Variants in HAUS6 observed in about 807,000 individuals in gnomAD.
The protein encoded by HAUS6 is HAUS augmin like complex subunit 6.
In HAUS6, 80 loss-of-function variants were observed where a neutral mutation model predicts 106.8. The ratio of observed to expected loss-of-function variants is 0.75; its 90% CI spans 0.63 to 0.90. The LOEUF (loss-of-function observed/expected upper bound fraction) is 0.90. Ranked by LOEUF, HAUS6 falls within the 40% of genes least tolerant of loss-of-function variation. The pLI is 0.00. For missense variants in HAUS6, 1,155 were observed against 1,118.1 expected, an observed-to-expected ratio of 1.03 and a Z score of -0.47; for synonymous variants, 356 against 379.1, an observed-to-expected ratio of 0.94 and a Z score of 0.71.
chr9:19,059,518 T>A (rs930727913), intron 15 of HAUS6, among the ~76,000 whole-genome samples: 3 of 152,248 alleles, frequency 2.0e-5, no homozygotes, highest in Non-Finnish European at 4.4e-5. Context: ...TGACCTAGGC[T>A]GTGGCTCAGT....
chr9:19,056,498 A>AGGT (rs1055652236), intron 16 of HAUS6, 94 bp from the exon 17 acceptor site: 8 of 731,082 alleles, frequency 1.1e-5, no homozygotes, highest in Non-Finnish European at 2.0e-5. Flanking sequence ...AATACAAAAA[A>AGGT]GGTTCATAGC....
rs1304842685 is a variant in HAUS6 at position 19,054,232 on chromosome 9, A to G, written c.*2111T>C. 1.3e-5 allele frequency: 2 copies of G among 152,208 alleles called. No homozygotes were observed. Among genetic ancestry groups the G allele is most frequent in the Non-Finnish European group, 2.9e-5 (2 of 68,032 alleles). 9.4% of individuals were successfully genotyped at this position (152,208 alleles called of 1,614,324 possible). A position where few individuals can be genotyped will look rare whatever the true frequency, so the allele number is the denominator to read the frequency against. On this transcript the variant is annotated 3_prime_UTR_variant, in exon 17 of 17. Coordinates refer to ENST00000380502, the MANE Select transcript of HAUS6 (RefSeq NM_017645.5). ...TAAAAAAATGGGAGATTACAGCGGAAGGGGGAGTAGAGGAAATCCGTTACA... is the reference window on the plus strand; with the variant it reads ...TAAAAAAATGGGAGATTACAGCGGAGGGGGGAGTAGAGGAAATCCGTTACA...
intron 12 of HAUS6, among the ~76,000 whole-genome samples, chr9:19,066,283 G>T (rs1487104417): frequency 6.6e-6 from 1 of 152,082 alleles, no homozygotes; most frequent in Non-Finnish European, 1.5e-5. Flanking sequence ...ATAAGAACTT[G>T]GCGGGGCGGG....
At position 19,089,513 on chromosome 9, in the gene HAUS6, G is replaced by C; in HGVS notation, c.483C>G (p.Asp161Glu). The change falls in exon 5 of 17, where the codon GAC (aspartate) becomes GAG (glutamate). Residue 161 changes from aspartate to glutamate, a missense_variant. Physicochemically the swap from Asp to Glu is conservative, Grantham distance 45. Coordinates refer to ENST00000380502, the MANE Select transcript of HAUS6 (RefSeq NM_017645.5). Reference protein sequence around the residue: ...FVETFNIKPQDLHKCIARCHF... With the variant: ...FVETFNIKPQELHKCIARCHF... ...GGCATCTGGCAATGCATTTGTGCAA[G>C]TCCTGTGGTTTTATGTTAAATGTCT... 1.2e-6 allele frequency: 2 copies of C among 1,610,304 alleles called. No individual in the cohort carries two copies. Among genetic ancestry groups the C allele is most frequent in the Non-Finnish European group, 8.5e-7 (1 of 1,176,586 alleles).
At chr9:19,056,474 A>G (rs1836473281) in intron 16 of HAUS6, 70 bp from the exon 17 acceptor site, 1 of 825,710 alleles carries the variant, frequency 1.2e-6, no homozygotes, top group Non-Finnish European at 2.1e-6. Flanking sequence ...TCCAAGCAAT[A>G]GCAAATTTTA....
chr9:19,081,566 A>G (rs369739705), intron 8 of HAUS6, among the ~76,000 whole-genome samples: 37 of 151,968 alleles, frequency 2.4e-4, no homozygotes, highest in African/African-American at 8.7e-4. Flanking sequence ...CAGCCTCCCA[A>G]GTAGCTGGGA....
intron 5 of HAUS6, among the ~76,000 whole-genome samples, chr9:19,088,015 A>C (rs539614508): frequency 6.6e-6 from 1 of 152,344 alleles, no homozygotes; most frequent in Non-Finnish European, 1.5e-5. Flanking sequence ...GCATAGATGA[A>C]CCTAAACATA....
chr9:19,066,554 G>A (rs953250136), intron 12 of HAUS6, among the ~76,000 whole-genome samples: 1 of 151,856 alleles, frequency 6.6e-6, no homozygotes, highest in Non-Finnish European at 1.5e-5. Flanking sequence ...CATCATTACC[G>A]TTAGAAATAT....
rs568027770 is a variant in HAUS6 at position 19,075,529 on chromosome 9, G to C, written c.1294+1073C>G. Among the ~76,000 whole-genome samples, 54 of 151,150 alleles carry C rather than the reference G, an allele frequency of 3.6e-4. 4 individuals carry two copies. The South Asian group carries it at 0.011, about 31-fold the overall frequency. The stretch of plus-strand genomic sequence containing the variant: ...GAGGCCAAGGAAGGAGAATTGCTTG[G>C]AATCAGTTTGAGAAAACATTGTGCA... On this transcript the variant is annotated intron_variant, in intron 11 of 16. Transcript: ENST00000380502.
At chr9:19,062,822 T>C (rs180834862) in intron 14 of HAUS6, among the ~76,000 whole-genome samples, 186 bp downstream of exon 14, 159 of 152,226 alleles carry the variant, frequency 1.0e-3, no homozygotes, top group African/African-American at 2.9e-3. Context: ...CACGCCCCCA[T>C]GCTCAACTGT....
intron 6 of HAUS6, 75 bp downstream of exon 6, chr9:19,087,016 G>A (rs1027150988): frequency 4.0e-6 from 3 of 755,954 alleles, no homozygotes; most frequent in Non-Finnish European, 7.2e-6. Context: ...GTTTGTGGGA[G>A]TCTGTTTCCT....
intron 11 of HAUS6, among the ~76,000 whole-genome samples, chr9:19,074,637 T>C (rs766361706): frequency 6.6e-6 from 1 of 152,100 alleles, no homozygotes; most frequent in Non-Finnish European, 1.5e-5. Context: ...CTCTGGTCTA[T>C]AATCTTTCCC....
intron 7 of HAUS6, among the ~76,000 whole-genome samples, chr9:19,084,633 T>C (rs1588618654): frequency 6.9e-6 from 1 of 144,914 alleles, no homozygotes; most frequent in Non-Finnish European, 1.5e-5. Context: ...TTTTTCTTTT[T>C]TCTTTTTTTT....
At position 19,091,072 on chromosome 9, in the gene HAUS6, G is replaced by A. The variant is rs147044649; in HGVS notation, c.437-1513C>T. On this transcript the variant is annotated intron_variant, in intron 4 of 16. Coordinates refer to ENST00000380502, the MANE Select transcript of HAUS6 (RefSeq NM_017645.5). ...TCCCAGCACTTTGGGAGGCCGAGGC[G>A]GGTGGATCACAAGGTCAGGAGTTCG... Among the ~76,000 whole-genome samples, 485 of 152,146 alleles carry A rather than the reference G, an allele frequency of 3.2e-3. 1 individual carries two copies. The highest frequency in any genetic ancestry group is 5.9e-3 in the Non-Finnish European group (399 of 67,986).
intron 3 of HAUS6, among the ~76,000 whole-genome samples, chr9:19,093,961 C>G (rs1817808393): frequency 1.3e-5 from 2 of 152,164 alleles, no homozygotes; most frequent in Admixed American, 6.5e-5. Context: ...CTAAACTCTA[C>G]GTGGACCTGG....
chr9:19,091,241 A>G (rs1817738875), intron 4 of HAUS6, among the ~76,000 whole-genome samples: 1 of 151,988 alleles, frequency 6.6e-6, no homozygotes, highest in South Asian at 2.1e-4. Flanking sequence ...TGGATGTTGC[A>G]GTAAGCCGAG....
At chr9:19,063,889 C>T (rs1254878556) in intron 12 of HAUS6, 3 of 465,946 alleles carry the variant, frequency 6.4e-6, no homozygotes, top group African/African-American at 3.9e-5. Flanking sequence ...AGGTTAAAAA[C>T]AGATTCAATT....
intron 6 of HAUS6, 66 bp downstream of exon 6, chr9:19,087,025 C>A: frequency 1.3e-6 from 1 of 790,216 alleles, no homozygotes; most frequent in Non-Finnish European, 2.3e-6. Flanking sequence ...AGTCTGTTTC[C>A]TAGCCTGTAA....
chr9:19,071,230 A>T (rs1015967646), intron 11 of HAUS6, among the ~76,000 whole-genome samples: 3 of 152,238 alleles, frequency 2.0e-5, no homozygotes, highest in Admixed American at 6.5e-5. Context: ...CAAAAAGCAG[A>T]TTAAACATAA....
Sources: gnomAD v4.1 joint callset for allele counts (sites outside exome capture counted in the v4.1 genomes callset) on GRCh38, gnomAD v4.1.1 for gene constraint, MANE v1.5 for transcripts, NCBI Gene and HGNC (gene_info 2026-07-23, HGNC 2026-07-21) for gene names.